The following SLCO3A1 variants were observed in gnomAD, a reference collection of about 807,000 sequenced individuals.
SLCO3A1 encodes the protein solute carrier organic anion transporter family member 3A1, also known as PGE1 transporter.
Under a neutral mutation model 63.1 loss-of-function variants are expected in SLCO3A1, and 27 were observed. The observed-to-expected ratio is 0.43, with a 90% confidence interval of 0.32 to 0.59. SLCO3A1 has a LOEUF of 0.59. SLCO3A1 is among the 20% of genes least tolerant of loss of function. The pLI is 0.09. For missense variants in SLCO3A1, 773 were observed against 945.8 expected, an observed-to-expected ratio of 0.82 and a Z score of 2.40; for synonymous variants, 473 against 409.9, an observed-to-expected ratio of 1.15 and a Z score of -1.86.
chr15:91,955,904 C>G (rs1017490955), intron 2 of SLCO3A1, among the ~76,000 whole-genome samples: 4 of 152,184 alleles, frequency 2.6e-5, no homozygotes, highest in Non-Finnish European at 5.9e-5. Flanking sequence ...AATGCCTAGA[C>G]AGGTTCTAAA....
intron 2 of SLCO3A1, among the ~76,000 whole-genome samples, chr15:91,996,018 A>G (rs1391431317): frequency 1.3e-5 from 2 of 152,114 alleles, no homozygotes; most frequent in African/African-American, 4.8e-5. Flanking sequence ...ATTACACTGG[A>G]TGTTCTAGCT....
At chr15:91,990,425 G>C (rs1405067029) in intron 2 of SLCO3A1, among the ~76,000 whole-genome samples, 4 of 152,008 alleles carry the variant, frequency 2.6e-5, no homozygotes, top group South Asian at 4.2e-4. Context: ...CACTCTCTCA[G>C]CACACCTCCC....
intron 2 of SLCO3A1, among the ~76,000 whole-genome samples, chr15:92,089,012 T>TTTA (rs879635674): frequency 1.4e-5 from 2 of 144,396 alleles, no homozygotes; most frequent in African/African-American, 5.5e-5. Flanking sequence ...TTATTTATTA[T>TTTA]TTATTTATTT....
At chr15:92,060,747 G>A (rs902322536) in intron 2 of SLCO3A1, among the ~76,000 whole-genome samples, 7 of 152,198 alleles carry the variant, frequency 4.6e-5, no homozygotes, top group South Asian at 2.1e-4. Flanking sequence ...CAATCTGCCC[G>A]CCTCAGCCTC....
At chr15:92,064,059 C>T (rs933183953) in intron 2 of SLCO3A1, among the ~76,000 whole-genome samples, 3 of 152,098 alleles carry the variant, frequency 2.0e-5, no homozygotes, top group Non-Finnish European at 4.4e-5. Context: ...TTAACCTCTC[C>T]AACAGCCTGA....
chr15:91,923,869 G>A (rs893179911), intron 2 of SLCO3A1, among the ~76,000 whole-genome samples: 1 of 152,108 alleles, frequency 6.6e-6, no homozygotes, highest in Non-Finnish European at 1.5e-5. Flanking sequence ...CATCATTTTA[G>A]ATAATTGCAT....
chr15:91,969,790 A>G (rs1167947056), intron 2 of SLCO3A1, among the ~76,000 whole-genome samples: 1 of 152,124 alleles, frequency 6.6e-6, no homozygotes, highest in African/African-American at 2.4e-5. Flanking sequence ...TTTCAGTGGA[A>G]GAGATCTAGC....
chr15:91,878,691 C>T (rs963941367), intron 1 of SLCO3A1, among the ~76,000 whole-genome samples: 4 of 152,102 alleles, frequency 2.6e-5, no homozygotes, highest in African/African-American at 9.7e-5. Flanking sequence ...ATCTCTTAGC[C>T]GTCTTTCTCA....
chr15:91,870,570 T>C (rs1897259656), intron 1 of SLCO3A1, among the ~76,000 whole-genome samples: 1 of 152,240 alleles, frequency 6.6e-6, no homozygotes, highest in Non-Finnish European at 1.5e-5. Context: ...AATTCTTTAT[T>C]AGTTTTGGGA....
At chr15:92,145,100 T>C (rs2048203168) in intron 7 of SLCO3A1, among the ~76,000 whole-genome samples, 1 of 152,156 alleles carries the variant, frequency 6.6e-6, no homozygotes, top group African/African-American at 2.4e-5. Flanking sequence ...GCAAGGGGCC[T>C]GTGCTCCTGG....
chr15:92,042,382 T>A (rs995782584), intron 2 of SLCO3A1, among the ~76,000 whole-genome samples: 1 of 152,142 alleles, frequency 6.6e-6, no homozygotes, highest in African/African-American at 2.4e-5. Flanking sequence ...GCTATGACTG[T>A]TTTATTATGC....
rs61238614 is a variant in SLCO3A1 at position 92,028,908 on chromosome 15, A to AGTGTGTGTGTGTGTGTGTGTGTGTGTGT, written c.647-65964_647-65937dup. 5.9e-3 allele frequency among the ~76,000 whole-genome samples: 709 copies of AGTGTGTGTGTGTGTGTGTGTGTGTGTGT among 120,082 alleles called. 35 individuals carry two copies. The highest frequency in any genetic ancestry group is 0.016 in the African/African-American group (457 of 29,244). 78.8% of individuals were successfully genotyped at this position (120,082 alleles called of 152,430 possible). On this transcript the variant is annotated intron_variant, in intron 2 of 9. Coordinates refer to ENST00000318445, the MANE Select transcript of SLCO3A1 (RefSeq NM_013272.4). ...CGTTCTTGTTTCAGCTGCAGGCACA[A>AGTGTGTGTGTGTGTGTGTGTGTGTGTGT]GTGTGTGTGTGTGTGTGTGTGTGTG...
chr15:91,894,043 C>G lies in SLCO3A1; in HGVS notation c.181-21950C>G, dbSNP rs188900908. Reference sequence around the variant, plus strand: ...AAAGGAAGCCTTTCTCAGGAGGGGACGTTTGAGCTAAGACCTGCCTGGGGA... The same window carrying G: ...AAAGGAAGCCTTTCTCAGGAGGGGAGGTTTGAGCTAAGACCTGCCTGGGGA... On this transcript the variant is annotated intron_variant, in intron 1 of 9. Coordinates refer to ENST00000318445, the MANE Select transcript of SLCO3A1 (RefSeq NM_013272.4). This position sits in a 1 kb window ranked among gnomAD's most constrained non-coding sequence, Gnocchi z 4.8. Among the ~76,000 whole-genome samples the G allele has an allele frequency of 1.3e-5, 2 of 152,138 alleles. No individual in the cohort carries two copies. Among genetic ancestry groups the G allele is most frequent in the Admixed American group, 1.3e-4 (2 of 15,286 alleles).
chr15:91,985,783 C>T (rs1443896394), intron 2 of SLCO3A1, among the ~76,000 whole-genome samples: 1 of 152,132 alleles, frequency 6.6e-6, no homozygotes, highest in Non-Finnish European at 1.5e-5. Context: ...ACTTCCAGGG[C>T]CTGCTTGTCC....
At chr15:91,957,000 TTA>T (rs1192687939) in intron 2 of SLCO3A1, among the ~76,000 whole-genome samples, 1 of 25,844 alleles carries the variant, frequency 3.9e-5, no homozygotes, top group African/African-American at 2.7e-4. Context: ...ATAGTATATA[TTA>T]TATATATAAT....
rs767133622 is a variant in SLCO3A1, at chr15:92,132,865, G to A, written c.1512+4376G>A. On this transcript the variant is annotated intron_variant, in intron 7 of 9. Coordinates refer to ENST00000318445, the MANE Select transcript of SLCO3A1 (RefSeq NM_013272.4). The stretch of plus-strand genomic sequence containing the variant: ...AGTGTGACGGGTCTCAATACAGGCC[G>A]CACCTTAGGATCACGTGGGAGCTTT... 1.0e-4 allele frequency among the ~76,000 whole-genome samples: 15 copies of A among 145,566 alleles called. 1 individual carries two copies. The highest frequency in any genetic ancestry group is 2.2e-4 in the Non-Finnish European group (14 of 65,100).
chr15:91,903,717 C>A (rs1893966621), intron 1 of SLCO3A1, among the ~76,000 whole-genome samples: 1 of 152,186 alleles, frequency 6.6e-6, no homozygotes, highest in African/African-American at 2.4e-5. Context: ...CACCACGTGT[C>A]CAGCTCTGTG....
At chr15:92,039,630 A>G (rs2046772302) in intron 2 of SLCO3A1, among the ~76,000 whole-genome samples, 1 of 152,260 alleles carries the variant, frequency 6.6e-6, no homozygotes, top group Non-Finnish European at 1.5e-5. Flanking sequence ...AATGTAAATT[A>G]GTTCAACCAC....
chr15:91,878,735 A>G (rs1597081795), intron 1 of SLCO3A1, among the ~76,000 whole-genome samples: 1 of 152,124 alleles, frequency 6.6e-6, no homozygotes, highest in East Asian at 1.9e-4. Flanking sequence ...GCCCAGAAAA[A>G]TTTTCATTCA....
Sources: gnomAD v4.1 joint callset for allele counts (sites outside exome capture counted in the v4.1 genomes callset) on GRCh38, gnomAD v4.1.1 for gene constraint, Gnocchi (gnomAD v3.1) non-coding constraint, MANE v1.5 for transcripts, NCBI Gene and HGNC (gene_info 2026-07-23, HGNC 2026-07-21) for gene names.